GRID2: variants seen among roughly 807,000 people sequenced by gnomAD.
GRID2 encodes the protein glutamate ionotropic receptor delta type subunit 2.
In GRID2, 33 loss-of-function variants were observed where a neutral mutation model predicts 114.8. The observed-to-expected ratio is 0.29, with a 90% CI of 0.22 to 0.38. The LOEUF is 0.38. Among genes scored for constraint, GRID2 ranks in the 10% least tolerant of loss-of-function variants. The pLI, the probability that GRID2 is intolerant of heterozygous loss-of-function variation, is 1.00. For missense variants in GRID2, 1,184 were observed against 1,257.7 expected (o/e 0.94, Z 0.89); for synonymous variants, 505 against 449.9 (o/e 1.12, Z -1.55).
chr4:92,791,106 TC>T (rs1438832032), intron 2 of GRID2, among the ~76,000 whole-genome samples: 1 of 151,732 alleles, frequency 6.6e-6, no homozygotes, highest in East Asian at 2.0e-4. Flanking sequence ...ACTATGATTA[TC>T]AGAACAAAAA....
At chr4:92,889,929 T>C (rs958995131) in intron 2 of GRID2, among the ~76,000 whole-genome samples, 7 of 152,008 alleles carry the variant, frequency 4.6e-5, no homozygotes, top group Admixed American at 1.3e-4. Flanking sequence ...TATAGACCAA[T>C]GGAACAGAAC....
Position 93,786,824 on chromosome 4 carries a change from C to A in GRID2, c.221+17374C>A, listed in dbSNP as rs1031016350. ...ACAGTTGCACATTTTTTTCAAATAT[C>A]CTCAGCAGCTTCTAGTTAGCCAAGG... is the stretch of plus-strand genomic sequence containing the variant. On this transcript the variant is annotated intron_variant, in intron 1 of 1. Coordinates refer to the GRID2 transcript ENST00000637838. Among the ~76,000 whole-genome samples, 9 of 152,232 alleles carry A rather than the reference C, an allele frequency of 5.9e-5. No homozygotes were observed. The East Asian group carries it at 1.7e-3, about 29-fold the overall frequency.
chr4:92,410,869 T>A (rs1430724540), intron 1 of GRID2, among the ~76,000 whole-genome samples: 32 of 117,880 alleles, frequency 2.7e-4, no homozygotes, highest in African/African-American at 9.3e-4. Flanking sequence ...AAGAAACACA[T>A]GAATAGTCAC....
At chr4:93,677,159 C>T (rs879994993) in intron 14 of GRID2, among the ~76,000 whole-genome samples, 13 of 152,182 alleles carry the variant, frequency 8.5e-5, no homozygotes, top group African/African-American at 1.7e-4. Context: ...CCTATGCCCA[C>T]GGAGGCTCGC....
chr4:93,324,354 T>A (rs181621626), intron 8 of GRID2, among the ~76,000 whole-genome samples: 9 of 152,362 alleles, frequency 5.9e-5, no homozygotes, highest in African/African-American at 2.2e-4. Flanking sequence ...TTATGTTTAT[T>A]GATTTGAGTG....
intron 6 of GRID2, among the ~76,000 whole-genome samples, chr4:93,218,862 C>T (rs1260752827): frequency 1.3e-5 from 2 of 152,116 alleles, no homozygotes; most frequent in Non-Finnish European, 2.9e-5. Context: ...CACATCGCAG[C>T]AGGTAAGACA....
intron 13 of GRID2, among the ~76,000 whole-genome samples, chr4:93,589,783 T>G (rs1272930259): frequency 1.3e-5 from 2 of 152,170 alleles, no homozygotes; most frequent in Non-Finnish European, 2.9e-5. Flanking sequence ...TGGTTTTGAT[T>G]TGCATTTCTC....
intron 8 of GRID2, among the ~76,000 whole-genome samples, chr4:93,250,000 T>A (rs2149529464): frequency 6.6e-6 from 1 of 152,238 alleles, no homozygotes; most frequent in Non-Finnish European, 1.5e-5. Flanking sequence ...ACTGGGTATA[T>A]ACCCAAAGGA....
chr4:92,504,503 G>C (rs1723854120), intron 1 of GRID2, among the ~76,000 whole-genome samples: 1 of 151,978 alleles, frequency 6.6e-6, no homozygotes, highest in African/African-American at 2.4e-5. Context: ...AATTGTATTT[G>C]GAGTTCCTGT....
chr4:92,891,230 C>T (rs1377573697), intron 2 of GRID2, among the ~76,000 whole-genome samples: 5 of 151,888 alleles, frequency 3.3e-5, no homozygotes, highest in East Asian at 1.9e-4. Context: ...CAAACTTGCA[C>T]GTTCTGCACA....
rs556404937 is a variant in GRID2, at chr4:92,492,192, T to A, written c.89-97939T>A. On this transcript the variant is annotated intron_variant, in intron 1 of 15. Transcript: ENST00000282020. The stretch of plus-strand genomic sequence containing the variant: ...CTTTGAATCTAGAAAGGGATCTTAT[T>A]AAAACTGTTGTTTTCCTATGAGTAT... 3.0e-3 allele frequency among the ~76,000 whole-genome samples: 455 copies of A among 152,332 alleles called. 1 individual carries two copies. The highest frequency in any genetic ancestry group is 0.011 in the African/African-American group (437 of 41,596).
At chr4:92,761,974 GC>G (rs1429271418) in intron 2 of GRID2, among the ~76,000 whole-genome samples, 1 of 152,034 alleles carries the variant, frequency 6.6e-6, no homozygotes, top group Non-Finnish European at 1.5e-5. Context: ...CTGTCTCCAG[GC>G]TGGAGTGCAG....
intron 8 of GRID2, among the ~76,000 whole-genome samples, chr4:93,341,513 G>A (rs1245838201): frequency 1.3e-5 from 2 of 152,094 alleles, no homozygotes; most frequent in Admixed American, 6.6e-5. Context: ...GGTAGAGATG[G>A]GGTTTTGCCA....
intron 2 of GRID2, among the ~76,000 whole-genome samples, chr4:92,669,140 C>G (rs1171705145): frequency 1.3e-5 from 2 of 151,772 alleles, no homozygotes; most frequent in Admixed American, 6.6e-5. Context: ...TGAATATATA[C>G]AAGAATGAAA....
At chr4:92,919,249 T>TC (rs1397880281) in intron 2 of GRID2, among the ~76,000 whole-genome samples, 8 of 152,204 alleles carry the variant, frequency 5.3e-5, no homozygotes, top group Admixed American at 3.9e-4. Context: ...TCATTTCTTC[T>TC]TTATTAGTCT....
At chr4:92,746,464 T>C (rs535357531) in intron 2 of GRID2, among the ~76,000 whole-genome samples, 1 of 152,136 alleles carries the variant, frequency 6.6e-6, no homozygotes, top group Non-Finnish European at 1.5e-5. Context: ...TTAGTGGCTA[T>C]TGTGTAGGCT....
intron 14 of GRID2, among the ~76,000 whole-genome samples, chr4:93,743,503 A>C (rs966929602): frequency 6.6e-6 from 1 of 152,216 alleles, no homozygotes; most frequent in Non-Finnish European, 1.5e-5. Context: ...TTTTTGGTTC[A>C]TGATTCTTCT....
chr4:92,849,232 G>A (rs1370543668), intron 2 of GRID2, among the ~76,000 whole-genome samples: 1 of 151,958 alleles, frequency 6.6e-6, no homozygotes, highest in Non-Finnish European at 1.5e-5. Flanking sequence ...AGCATCTTGA[G>A]TACTATAATT....
intron 8 of GRID2, among the ~76,000 whole-genome samples, chr4:93,278,269 A>T (rs1752274230): frequency 7.1e-6 from 1 of 141,636 alleles, no homozygotes; most frequent in African/African-American, 3.1e-5. Flanking sequence ...TTTGACTTTA[A>T]AAAAAAAAAA....
Sources: allele counts gnomAD v4.1 joint callset (sites outside exome capture counted in the v4.1 genomes callset), GRCh38; gene constraint gnomAD v4.1.1; transcripts MANE v1.5; gene names NCBI Gene and HGNC (gene_info 2026-07-23, HGNC 2026-07-21).